Variants in CPA6 observed in about 807,000 individuals in gnomAD.
The protein encoded by CPA6 is carboxypeptidase A6, also known as carboxypeptidase B.
In CPA6, 58 loss-of-function variants were observed where a neutral mutation model predicts 63.3. The observed-to-expected ratio is 0.92, with a 90% CI of 0.74 to 1.14. The LOEUF (loss-of-function observed/expected upper bound fraction) is 1.14. CPA6 is among the 50% of genes most tolerant of loss of function. The probability of loss-of-function intolerance (pLI) is 0.00; values close to 1 mark genes in which losing one functional copy is unlikely to be tolerated. For missense variants in CPA6, 565 were observed against 526.6 expected (o/e 1.07, Z -0.71); for synonymous variants, 185 against 179.0 (o/e 1.03, Z -0.27).
At chr8:67,728,137 CAAAACAA>C (rs1563410790) in intron 1 of CPA6, among the ~76,000 whole-genome samples, 1 of 15,550 alleles carries the variant, frequency 6.4e-5, no homozygotes, top group Non-Finnish European at 1.7e-4. Context: ...AAAAAACAAA[CAAAACAA>C]AACAAAACAA....
At chr8:67,635,783 A>T (rs538910538) in intron 1 of CPA6, among the ~76,000 whole-genome samples, 1 of 151,772 alleles carries the variant, frequency 6.6e-6, no homozygotes, top group African/African-American at 2.4e-5. Context: ...GAAAAAAATA[A>T]TGTCAGAGAA....
chr8:67,633,128 C>G (rs912506813), intron 1 of CPA6, among the ~76,000 whole-genome samples: 2 of 152,112 alleles, frequency 1.3e-5, no homozygotes, highest in African/African-American at 2.4e-5. Context: ...ATCTTCTGGA[C>G]AGAATAAAAC....
intron 1 of CPA6, among the ~76,000 whole-genome samples, chr8:67,678,830 T>C (rs570585303): frequency 3.7e-4 from 56 of 152,348 alleles, no homozygotes; most frequent in African/African-American, 1.3e-3. Flanking sequence ...GTGCCATAGC[T>C]TCAAACTGGA....
chr8:67,484,760 G>T lies in CPA6; in HGVS notation c.666C>A (p.Ala222=). 1 of 1,608,448 alleles carries T rather than the reference G, an allele frequency of 6.2e-7. No homozygotes were observed. The highest frequency in any genetic ancestry group is 8.5e-7 in the Non-Finnish European group (1 of 1,175,120). The change falls in exon 7 of 11, where the codon GCC becomes GCA. Residue 222 remains alanine (A), a synonymous_variant. Transcript: ENST00000297770. The stretch of plus-strand genomic sequence containing the variant: ...ATAGATGATTCAACATTTTTCTCAT[G>T]GCTGGGTCACTCTTATATGTTAGAA... ...EALLTYKSDP[A]MRKMLNHLYF...
At chr8:67,540,432 G>C (rs931700671) in intron 2 of CPA6, among the ~76,000 whole-genome samples, 1 of 152,184 alleles carries the variant, frequency 6.6e-6, no homozygotes, top group Non-Finnish European at 1.5e-5. Context: ...CCTGTATGAG[G>C]TGTCTGTCAA....
chr8:67,730,276 G>A (rs1476613814), intron 1 of CPA6, among the ~76,000 whole-genome samples: 1 of 152,154 alleles, frequency 6.6e-6, no homozygotes, highest in East Asian at 1.9e-4. Context: ...CAGAACTTAG[G>A]AAAACACTTA....
chr8:67,437,928 T>G (rs894005189), intron 8 of CPA6, among the ~76,000 whole-genome samples: 1 of 150,462 alleles, frequency 6.6e-6, no homozygotes. Context: ...TTCTGGGGGG[T>G]GGGGGGTGAT....
intron 1 of CPA6, among the ~76,000 whole-genome samples, chr8:67,711,592 C>T (rs111694907): frequency 0.024 from 3,685 of 151,928 alleles, 171 homozygotes; most frequent in African/African-American, 0.085. Context: ...GGGAGACAGG[C>T]GTGATCTGAA....
intron 1 of CPA6, among the ~76,000 whole-genome samples, chr8:67,655,265 A>C (rs1195941097): frequency 6.6e-6 from 1 of 152,158 alleles, no homozygotes. Context: ...TATACTGGGA[A>C]AAAAGCATAT....
At chr8:67,546,888 C>T (rs1812828340) in intron 2 of CPA6, among the ~76,000 whole-genome samples, 1 of 152,080 alleles carries the variant, frequency 6.6e-6, no homozygotes, top group South Asian at 2.1e-4. Flanking sequence ...TGCAGTAGCA[C>T]ATTACAGCTC....
chr8:67,435,541 C>T (rs1192190744), intron 8 of CPA6, among the ~76,000 whole-genome samples: 5 of 152,108 alleles, frequency 3.3e-5, no homozygotes, highest in Middle Eastern at 3.4e-3. Flanking sequence ...CTTGGTGCCC[C>T]GCCCTTTGTT....
intron 1 of CPA6, among the ~76,000 whole-genome samples, chr8:67,652,312 C>T (rs1344992344): frequency 2.6e-5 from 4 of 152,192 alleles, no homozygotes; most frequent in South Asian, 2.1e-4. Flanking sequence ...CCTGAGGAAT[C>T]GCCACACTGA....
intron 6 of CPA6, among the ~76,000 whole-genome samples, chr8:67,491,534 G>A (rs1009212622): frequency 2.0e-5 from 3 of 151,822 alleles, no homozygotes; most frequent in East Asian, 3.8e-4. Flanking sequence ...GAAATGTTTT[G>A]TGTCACCAGG....
intron 10 of CPA6, 36 bp downstream of exon 10, chr8:67,428,011 G>C: frequency 7.3e-7 from 1 of 1,372,828 alleles, no homozygotes; most frequent in Non-Finnish European, 1.0e-6. Flanking sequence ...TGGTTCAAGA[G>C]AGAGGATTCT....
At chr8:67,472,402 TTTATCTTATC>T (rs747214235) in intron 8 of CPA6, among the ~76,000 whole-genome samples, 23,452 of 108,582 alleles carry the variant, frequency 0.22, 2,210 homozygotes, top group East Asian at 0.31. Context: ...TTTATTTTAT[TTTATCTTATC>T]TTATTTTATT....
intron 8 of CPA6, among the ~76,000 whole-genome samples, chr8:67,465,499 C>T (rs111753161): frequency 0.032 from 4,823 of 152,184 alleles, 233 homozygotes; most frequent in African/African-American, 0.11. Flanking sequence ...CTTTCTCTTG[C>T]CTGCTTGCTC....
At chr8:67,711,851 A>G (rs1468486557) in intron 1 of CPA6, among the ~76,000 whole-genome samples, 2 of 152,132 alleles carry the variant, frequency 1.3e-5, no homozygotes, top group African/African-American at 2.4e-5. Flanking sequence ...GAAAGAAGAC[A>G]GTCTGGTTCT....
intron 2 of CPA6, among the ~76,000 whole-genome samples, chr8:67,555,569 G>C (rs1813041843): frequency 1.3e-5 from 2 of 152,176 alleles, no homozygotes; most frequent in Non-Finnish European, 2.9e-5. Flanking sequence ...GCACTTTCCT[G>C]AGTTCTAGGA....
chr8:67,699,802 T>A (rs1816985220), intron 1 of CPA6, among the ~76,000 whole-genome samples: 1 of 152,126 alleles, frequency 6.6e-6, no homozygotes, highest in Non-Finnish European at 1.5e-5. Context: ...TTGGCCAGGC[T>A]GGTCTCAAAC....
Sources: gnomAD v4.1 joint callset for allele counts (sites outside exome capture counted in the v4.1 genomes callset) on GRCh38, gnomAD v4.1.1 for gene constraint, MANE v1.5 for transcripts, NCBI Gene and HGNC (gene_info 2026-07-23, HGNC 2026-07-21) for gene names.